CPNE1: variants seen among roughly 807,000 people sequenced by gnomAD.
The protein encoded by CPNE1 is copine-1.
A neutral mutation model predicts 63.2 loss-of-function variants in CPNE1; 58 were observed. That is an observed-to-expected ratio of 0.92 (90% CI 0.74 to 1.14). The LOEUF is 1.14. Ranked by LOEUF, CPNE1 falls within the 50% of genes most tolerant of loss-of-function variation. CPNE1 has a pLI of 0.00. For missense variants in CPNE1, 672 were observed against 661.7 expected, an observed-to-expected ratio of 1.02 and a Z score of -0.17; for synonymous variants, 237 against 249.0, an observed-to-expected ratio of 0.95 and a Z score of 0.45.
intron 1 of CPNE1, among the ~76,000 whole-genome samples, chr20:35,643,789 C>G (rs1307086457): frequency 6.6e-6 from 1 of 152,028 alleles, no homozygotes; most frequent in African/African-American, 2.4e-5. Flanking sequence ...TAAGCTTGAC[C>G]GTGGAGGCCA....
chr20:35,664,395 A>T (rs1601506417), intron 1 of CPNE1: 1 of 152,202 alleles, frequency 6.6e-6, no homozygotes, highest in South Asian at 2.1e-4. Flanking sequence ...CCTCTGCTTC[A>T]CTGGGGGAGA....
At position 35,626,743 on chromosome 20, in the gene CPNE1, C is replaced by G. The variant is rs1372178371; in HGVS notation, c.1297G>C (p.Glu433Gln). ...AGGTTCGAGGCACGCACCACAGCCT[C>G]ACGTGTGGCTTCCACATCCGTCACA... ...GAVTDVEATR[E>Q]AVVRASNLPM... Residue 433 changes from glutamate (E) to glutamine (Q), a missense_variant, in exon 15 of 16, where the codon GAG (glutamate) becomes CAG (glutamine). Glu to Gln is a conservative substitution (Grantham distance 29). Coordinates refer to ENST00000397443, the MANE Select transcript of CPNE1 (RefSeq NM_152925.3). The G allele has an allele frequency of 1.2e-6, 2 of 1,614,062 alleles. No individual in the cohort carries two copies. Among genetic ancestry groups the G allele is most frequent in the Admixed American group, 1.7e-5 (1 of 59,998 alleles).
chr20:35,654,054 T>A, intron 1 of CPNE1: 6 of 1,614,198 alleles, frequency 3.7e-6, no homozygotes, highest in Non-Finnish European at 5.1e-6. Context: ...CATGTGGTGA[T>A]CTTGACCTTG....
intron 1 of CPNE1, among the ~76,000 whole-genome samples, chr20:35,646,252 C>CA (rs549372063): frequency 0.078 from 4,547 of 58,080 alleles, 477 homozygotes; most frequent in Non-Finnish European, 0.12. Flanking sequence ...AAGACCATCT[C>CA]AAAAAAAAAA....
intron 1 of CPNE1, chr20:35,649,776 G>A (rs1435154481): frequency 6.6e-6 from 1 of 151,934 alleles, no homozygotes; most frequent in African/African-American, 2.4e-5. Flanking sequence ...AAAATCAGAA[G>A]GGAGAGGAAA....
chr20:35,642,991 C>G (rs1377530213), intron 1 of CPNE1, among the ~76,000 whole-genome samples: 1 of 152,210 alleles, frequency 6.6e-6, no homozygotes, highest in African/African-American at 2.4e-5. Flanking sequence ...AGCCACTAAT[C>G]TAACCCCAAC....
At chr20:35,658,376 T>C (rs2034025209) in intron 1 of CPNE1, among the ~76,000 whole-genome samples, 1 of 152,130 alleles carries the variant, frequency 6.6e-6, no homozygotes, top group Non-Finnish European at 1.5e-5. Flanking sequence ...AATCACAAGA[T>C]AAATAGATCC....
chr20:35,626,699 AATGATC>A lies in CPNE1; in HGVS notation c.1335_1340del (p.Ile446_Ile447del). On this transcript the variant is annotated inframe_deletion, in exon 15 of 16. Transcript: ENST00000397443. Reference sequence around the variant, plus strand: ...CAAAGTCAGCACCACCCACACCCACAATGATCACTGACATGGGCAGGTTCGAGGCAC... The same window carrying A: ...CAAAGTCAGCACCACCCACACCCACAACTGACATGGGCAGGTTCGAGGCAC... The A allele has an allele frequency of 6.2e-7, 1 of 1,614,050 alleles. No individual in the cohort carries two copies. The highest frequency in any genetic ancestry group is 1.1e-5 in the South Asian group (1 of 91,082).
At position 35,655,116 on chromosome 20, in the gene CPNE1, T is replaced by A. The variant is rs570849000; in HGVS notation, c.-1+9644A>T. ...CCGTCTTACTACTCAACAATAGTGTTACTTTTGACCCTTTAATTGTACCAC... is the reference window on the plus strand; with the variant it reads ...CCGTCTTACTACTCAACAATAGTGTAACTTTTGACCCTTTAATTGTACCAC... On this transcript the variant is annotated intron_variant, in intron 1 of 15. Coordinates refer to ENST00000397443, the MANE Select transcript of CPNE1 (RefSeq NM_152925.3). 3.5e-5 allele frequency: 57 copies of A among 1,614,210 alleles called. 2 individuals are homozygous for A. In the South Asian group the frequency reaches 5.4e-4, roughly 15 times the overall value.
chr20:35,644,972 G>A (rs1470944066), intron 1 of CPNE1, among the ~76,000 whole-genome samples: 1 of 152,118 alleles, frequency 6.6e-6, no homozygotes, highest in Non-Finnish European at 1.5e-5. Context: ...CATCTATAGG[G>A]TAGTCAATTC....
At chr20:35,653,158 T>C in intron 1 of CPNE1, 2 of 1,613,544 alleles carry the variant, frequency 1.2e-6, no homozygotes, top group Non-Finnish European at 1.7e-6. Flanking sequence ...ACCAGGAAAG[T>C]TAAATGGAGG....
At chr20:35,656,214 G>A (rs912552685) in intron 1 of CPNE1, among the ~76,000 whole-genome samples, 2 of 152,118 alleles carry the variant, frequency 1.3e-5, no homozygotes, top group Non-Finnish European at 2.9e-5. Flanking sequence ...CTAGGAGAGG[G>A]CTGACAATAA....
intron 1 of CPNE1, chr20:35,653,535 A>G (rs1344821028): frequency 1.2e-6 from 2 of 1,614,108 alleles, no homozygotes; most frequent in South Asian, 1.1e-5. Context: ...TACGTGCATC[A>G]TCTTCATTTT....
At chr20:35,653,759 G>A (rs1280829361) in intron 1 of CPNE1, 1 of 1,614,078 alleles carries the variant, frequency 6.2e-7, no homozygotes, top group East Asian at 2.2e-5. Flanking sequence ...CTGAAGTTCT[G>A]CAGTCTTTTT....
intron 1 of CPNE1, among the ~76,000 whole-genome samples, chr20:35,642,051 C>T (rs1347977025): frequency 6.6e-6 from 1 of 152,194 alleles, no homozygotes; most frequent in Non-Finnish European, 1.5e-5. Flanking sequence ...CAGCATACTA[C>T]TGTCGATAGG....
At chr20:35,633,445 T>TC (rs2146290491) in intron 1 of CPNE1, among the ~76,000 whole-genome samples, 1 of 152,286 alleles carries the variant, frequency 6.6e-6, no homozygotes, top group African/African-American at 2.4e-5. Flanking sequence ...GGAGTTATGA[T>TC]CCCCCTACTA....
At chr20:35,643,324 G>C (rs2032922883) in intron 1 of CPNE1, 3 of 152,424 alleles carry the variant, frequency 2.0e-5, no homozygotes, top group Admixed American at 2.0e-4. Flanking sequence ...CTTTGGTCAA[G>C]GATATACGAG....
At chr20:35,651,179 A>G (rs1029238867) in intron 1 of CPNE1, 1 of 152,220 alleles carries the variant, frequency 6.6e-6, no homozygotes, top group Non-Finnish European at 1.5e-5. Context: ...TTTATAATAT[A>G]ATGTGACACA....
chr20:35,655,161 C>T, intron 1 of CPNE1: 3 of 1,614,198 alleles, frequency 1.9e-6, no homozygotes, highest in Non-Finnish European at 2.5e-6. Flanking sequence ...TCATACCAAG[C>T]CTTGCATCTT....
Sources: allele counts gnomAD v4.1 joint callset (sites outside exome capture counted in the v4.1 genomes callset), GRCh38; gene constraint gnomAD v4.1.1; transcripts MANE v1.5; gene names NCBI Gene and HGNC (gene_info 2026-07-23, HGNC 2026-07-21).